The following TBC1D22A variants were observed in gnomAD, a reference collection of about 807,000 sequenced individuals.
TBC1D22A encodes the protein putative GTPase activator.
Under a neutral mutation model 60.2 loss-of-function variants are expected in TBC1D22A, and 38 were observed. The ratio of observed to expected loss-of-function variants is 0.63; its 90% CI spans 0.49 to 0.83. TBC1D22A has a LOEUF of 0.83. TBC1D22A is among the 40% of genes least tolerant of loss of function. The pLI is 0.00. For synonymous variants in TBC1D22A, 302 were observed against 281.7 expected (o/e 1.07, Z -0.72); for missense variants, 628 against 701.0 (o/e 0.90, Z 1.18).
intron 11 of TBC1D22A, among the ~76,000 whole-genome samples, chr22:47,091,952 C>G (rs1398116590): frequency 1.3e-5 from 2 of 152,202 alleles, no homozygotes; most frequent in East Asian, 3.8e-4. Flanking sequence ...CTAATTCTTA[C>G]CATCATTTGT....
chr22:47,121,950 G>A (rs752016096), intron 12 of TBC1D22A, among the ~76,000 whole-genome samples: 1 of 152,130 alleles, frequency 6.6e-6, no homozygotes, highest in African/African-American at 2.4e-5. Flanking sequence ...TGTCCCCACC[G>A]CATCCAGCCT....
At chr22:47,014,757 T>A (rs1368151252) in intron 10 of TBC1D22A, among the ~76,000 whole-genome samples, 3 of 142,326 alleles carry the variant, frequency 2.1e-5, no homozygotes, top group Admixed American at 1.4e-4. Context: ...CTGCTGCCCC[T>A]CAGCCAGGGC....
At chr22:47,027,394 C>A (rs1188790985) in intron 10 of TBC1D22A, among the ~76,000 whole-genome samples, 1 of 152,000 alleles carries the variant, frequency 6.6e-6, no homozygotes, top group Non-Finnish European at 1.5e-5. Flanking sequence ...TGAGTAAGTT[C>A]TTTAGTGGTG....
chr22:47,076,197 C>T (rs543826965), intron 11 of TBC1D22A, among the ~76,000 whole-genome samples: 15 of 151,886 alleles, frequency 9.9e-5, no homozygotes, highest in South Asian at 6.2e-4. Flanking sequence ...CTTAATTGAA[C>T]GGTTGTATAT....
intron 10 of TBC1D22A, among the ~76,000 whole-genome samples, chr22:47,011,494 C>T (rs1327930525): frequency 1.3e-5 from 2 of 152,150 alleles, no homozygotes; most frequent in Non-Finnish European, 2.9e-5. Flanking sequence ...ATTTTCATCC[C>T]GATGTTCCCC....
At chr22:47,012,782 G>A (rs186671769) in intron 10 of TBC1D22A, among the ~76,000 whole-genome samples, 11 of 152,334 alleles carry the variant, frequency 7.2e-5, no homozygotes, top group African/African-American at 2.2e-4. Flanking sequence ...TTCAGAGCTC[G>A]TGCTGATGTG....
At chr22:47,037,284 G>A (rs1436703531) in intron 11 of TBC1D22A, 86 bp downstream of exon 11, 4 of 1,553,010 alleles carry the variant, frequency 2.6e-6, no homozygotes, top group Non-Finnish European at 2.6e-6. Context: ...CCTGTGTGCT[G>A]CATTCGATTT....
chr22:46,864,299 T>G (rs778175638), intron 4 of TBC1D22A, among the ~76,000 whole-genome samples: 1 of 152,206 alleles, frequency 6.6e-6, no homozygotes, highest in African/African-American at 2.4e-5. Flanking sequence ...GGCTCTCTCA[T>G]GGTCCTGTAG....
chr22:46,901,946 T>TTG (rs2069025403), intron 7 of TBC1D22A, among the ~76,000 whole-genome samples: 12 of 71,276 alleles, frequency 1.7e-4, no homozygotes, highest in African/African-American at 3.2e-4. Flanking sequence ...ATCAGATTGT[T>TTG]TATAAACGTG....
intron 8 of TBC1D22A, among the ~76,000 whole-genome samples, chr22:46,912,428 T>A (rs2070003146): frequency 6.6e-6 from 1 of 152,312 alleles, no homozygotes; most frequent in Middle Eastern, 3.4e-3. Context: ...TTAACAATAT[T>A]TGAAGATAGA....
intron 11 of TBC1D22A, among the ~76,000 whole-genome samples, chr22:47,108,946 C>T (rs186447461): frequency 1.5e-4 from 23 of 152,338 alleles, no homozygotes; most frequent in African/African-American, 5.1e-4. Flanking sequence ...CCGCCCGCTT[C>T]GGCCTTTCAA....
At chr22:47,140,167 A>G (rs377093626) in intron 12 of TBC1D22A, among the ~76,000 whole-genome samples, 11 of 151,916 alleles carry the variant, frequency 7.2e-5, no homozygotes, top group South Asian at 4.2e-4. Context: ...TTAGAAATCA[A>G]TTGAAAACAT....
intron 12 of TBC1D22A, among the ~76,000 whole-genome samples, chr22:47,119,074 G>C (rs753162750): frequency 3.3e-5 from 5 of 152,050 alleles, no homozygotes; most frequent in African/African-American, 7.3e-5. Flanking sequence ...GTTTGAACCA[G>C]GGAGGCAGAG....
At chr22:46,923,399 G>A (rs964532506) in intron 8 of TBC1D22A, among the ~76,000 whole-genome samples, 6 of 152,246 alleles carry the variant, frequency 3.9e-5, no homozygotes, top group African/African-American at 1.4e-4. Context: ...TGGCACCATG[G>A]TATCACCTCT....
At chr22:46,869,847 T>C (rs1602239462) in intron 4 of TBC1D22A, among the ~76,000 whole-genome samples, 1 of 152,366 alleles carries the variant, frequency 6.6e-6, no homozygotes, top group Admixed American at 6.5e-5. Flanking sequence ...ATGGGTTGAT[T>C]TTTCTGTTAT....
rs2083752899 is a variant in TBC1D22A at position 46,777,459 on chromosome 22, G to A, written c.62+14611G>A. Among the ~76,000 whole-genome samples the A allele has an allele frequency of 6.6e-6, 1 of 152,172 alleles. No homozygotes were observed. Among genetic ancestry groups the A allele is most frequent in the Non-Finnish European group, 1.5e-5 (1 of 68,032 alleles). ...GTTGACGTGAGGTGGTGGATTCGTG[G>A]CTGAGAGTTGGCAGTGGTTTTGCTT... On this transcript the variant is annotated intron_variant, in intron 1 of 12. Transcript: ENST00000337137. The surrounding 1 kb of genome is among the most constrained non-coding windows in gnomAD (Gnocchi z 4.5).
At chr22:46,827,926 A>G (rs1200745806) in intron 4 of TBC1D22A, among the ~76,000 whole-genome samples, 1 of 152,212 alleles carries the variant, frequency 6.6e-6, no homozygotes, top group Non-Finnish European at 1.5e-5. Context: ...GATATATGGC[A>G]TGGGTGCTCC....
chr22:47,123,033 C>G (rs1160791365), intron 12 of TBC1D22A, among the ~76,000 whole-genome samples: 2 of 152,200 alleles, frequency 1.3e-5, no homozygotes, highest in Admixed American at 1.3e-4. Context: ...TTTATCATTT[C>G]TAGTTTTTTC....
intron 4 of TBC1D22A, among the ~76,000 whole-genome samples, chr22:46,826,124 G>A (rs540428094): frequency 2.5e-3 from 381 of 151,908 alleles, no homozygotes; most frequent in Non-Finnish European, 3.8e-3. Flanking sequence ...CTCGTGATCC[G>A]CCCACCTTGG....
Sources: gnomAD v4.1 joint callset for allele counts (sites outside exome capture counted in the v4.1 genomes callset) on GRCh38, gnomAD v4.1.1 for gene constraint, Gnocchi (gnomAD v3.1) non-coding constraint, MANE v1.5 for transcripts, NCBI Gene and HGNC (gene_info 2026-07-23, HGNC 2026-07-21) for gene names.